Variants in NEK10 observed in about 807,000 individuals in gnomAD.
The protein encoded by NEK10 is NIMA related kinase 10.
A neutral mutation model predicts 159.8 loss-of-function variants in NEK10; 122 were observed. The ratio of observed to expected loss-of-function variants is 0.76; its 90% CI spans 0.66 to 0.89. The LOEUF (loss-of-function observed/expected upper bound fraction) is 0.89, where lower values mean the gene tolerates loss of function less well. Among genes scored for constraint, NEK10 ranks in the 40% least tolerant of loss-of-function variants. The probability of loss-of-function intolerance (pLI) is 0.00; values close to 1 mark genes in which losing one functional copy is unlikely to be tolerated. For missense variants in NEK10, 1,342 were observed against 1,323.1 expected (o/e 1.01, Z -0.22); for synonymous variants, 466 against 457.1 (o/e 1.02, Z -0.25).
At chr3:27,166,831 G>A (rs1457675965) in intron 29 of NEK10, among the ~76,000 whole-genome samples, 2 of 151,996 alleles carry the variant, frequency 1.3e-5, no homozygotes, top group Non-Finnish European at 2.9e-5. Flanking sequence ...GTGGTGGCAG[G>A]AGCCTATAAT....
chr3:27,222,243 G>A (rs912207653), intron 23 of NEK10, among the ~76,000 whole-genome samples: 6 of 152,090 alleles, frequency 3.9e-5, no homozygotes, highest in Admixed American at 1.3e-4. Flanking sequence ...CATGGTGGCC[G>A]GTGCCTGTAG....
intron 22 of NEK10, among the ~76,000 whole-genome samples, chr3:27,260,077 G>C (rs1174046583): frequency 6.6e-6 from 1 of 152,188 alleles, no homozygotes; most frequent in African/African-American, 2.4e-5. Context: ...TTTGTATCCT[G>C]AGACTTTGCT....
At chr3:27,259,178 C>A (rs2040174936) in intron 22 of NEK10, among the ~76,000 whole-genome samples, 1 of 152,040 alleles carries the variant, frequency 6.6e-6, no homozygotes, top group Non-Finnish European at 1.5e-5. Flanking sequence ...TGCCTGTTGA[C>A]TCTGATGGTA....
chr3:27,135,669 T>C (rs1943117326), intron 31 of NEK10, among the ~76,000 whole-genome samples: 1 of 152,244 alleles, frequency 6.6e-6, no homozygotes, highest in Admixed American at 6.5e-5. Flanking sequence ...TTCTATTTTT[T>C]AAAAAGTTAT....
At chr3:27,231,725 G>A (rs1349455213) in intron 23 of NEK10, among the ~76,000 whole-genome samples, 1 of 151,626 alleles carries the variant, frequency 6.6e-6, no homozygotes, top group Non-Finnish European at 1.5e-5. Flanking sequence ...ACCTTTACAT[G>A]CACAAATCAG....
At chr3:27,286,940 C>CAAATGGCA (rs1473546746) in intron 20 of NEK10, among the ~76,000 whole-genome samples, 1 of 151,910 alleles carries the variant, frequency 6.6e-6, no homozygotes, top group Non-Finnish European at 1.5e-5. Context: ...AAAATTGTAA[C>CAAATGGCA]AAATGGCAAA....
chr3:27,308,198 A>G (rs1575678488), intron 10 of NEK10, among the ~76,000 whole-genome samples: 1 of 152,172 alleles, frequency 6.6e-6, no homozygotes, highest in African/African-American at 2.4e-5. Flanking sequence ...AAGGGGGAAG[A>G]GCCCCTTATA....
At chr3:27,128,243 G>T (rs138697649) in intron 32 of NEK10, among the ~76,000 whole-genome samples, 2 of 152,284 alleles carry the variant, frequency 1.3e-5, no homozygotes, top group East Asian at 3.9e-4. Flanking sequence ...TGATTGGCCT[G>T]AGGGCTGTAA....
chr3:27,132,721 A>G lies in NEK10; in HGVS notation c.2971-731T>C, dbSNP rs190342797. On this transcript the variant is annotated intron_variant, in intron 31 of 35. Transcript: ENST00000691995. Reference sequence around the variant, plus strand: ...CTGGAAAGCACAGAAAGATGAAGTGACATTTAGAAGAAGGATAATAGAAAA... The same window carrying G: ...CTGGAAAGCACAGAAAGATGAAGTGGCATTTAGAAGAAGGATAATAGAAAA... Among the ~76,000 whole-genome samples, 5 of 152,284 alleles carry G rather than the reference A, an allele frequency of 3.3e-5. No individual in the cohort carries two copies. In the East Asian group the frequency reaches 9.7e-4, roughly 29 times the overall value.
At chr3:27,336,939 T>C (rs1008387989) in intron 5 of NEK10, among the ~76,000 whole-genome samples, 4 of 151,912 alleles carry the variant, frequency 2.6e-5, no homozygotes, top group African/African-American at 4.8e-5. Context: ...GACAAGGCTG[T>C]CTACCTGCAC....
Position 27,284,626 on chromosome 3 carries a change from C to T in NEK10, c.1990G>A (p.Gly664Arg). The T allele has an allele frequency of 6.3e-7, 1 of 1,597,932 alleles. No homozygotes were observed. The highest frequency in any genetic ancestry group is 8.6e-7 in the Non-Finnish European group (1 of 1,165,366). ...RDLTPNNIML[G>R]DKDKVTVTDF... ...CTAACGGTTACTTTGTCCTTATCCC[C>T]CAACATAATGTTGTTTGGTGTCAGA... Residue 664 changes from glycine (G) to arginine (R), a missense_variant, in exon 22 of 36, where the codon GGG becomes AGG. Transcript: ENST00000691995.
At chr3:27,205,795 T>C (rs1182547089) in intron 23 of NEK10, among the ~76,000 whole-genome samples, 1 of 140,008 alleles carries the variant, frequency 7.1e-6, no homozygotes, top group East Asian at 2.0e-4. Context: ...GACATAGGCA[T>C]GGGCAAGGAC....
At chr3:27,288,756 A>C (rs1304254448) in intron 19 of NEK10, among the ~76,000 whole-genome samples, 1 of 152,192 alleles carries the variant, frequency 6.6e-6, no homozygotes, top group Non-Finnish European at 1.5e-5. Flanking sequence ...TTTGCTTATA[A>C]TTTGAGTTTC....
chr3:27,167,093 T>C (rs1205401501), intron 29 of NEK10, among the ~76,000 whole-genome samples: 1 of 152,122 alleles, frequency 6.6e-6, no homozygotes, highest in Non-Finnish European at 1.5e-5. Context: ...GCCTGCCAAC[T>C]ATACCCTGTT....
rs189870026 is a variant in NEK10, at chr3:27,317,614, A to G, written c.448-3276T>C. 3.3e-3 allele frequency among the ~76,000 whole-genome samples: 502 copies of G among 152,258 alleles called. 2 individuals are homozygous for G. The highest frequency in any genetic ancestry group is 5.8e-3 in the Non-Finnish European group (397 of 68,014). On this transcript the variant is annotated intron_variant, in intron 6 of 35. Transcript: ENST00000691995. Reference sequence around the variant, plus strand: ...TTTAAGAATGGAGCACATTTTGCCAATATATTTTTATTACAGCCAAAACTG... The same window carrying G: ...TTTAAGAATGGAGCACATTTTGCCAGTATATTTTTATTACAGCCAAAACTG...
chr3:27,313,844 T>C (rs935202281), intron 7 of NEK10, among the ~76,000 whole-genome samples: 1 of 152,054 alleles, frequency 6.6e-6, no homozygotes, highest in Non-Finnish European at 1.5e-5. Flanking sequence ...CCCGAGTAGC[T>C]GGGATTATAG....
At chr3:27,311,368 G>A (rs1347389122) in intron 8 of NEK10, 1 of 168,808 alleles carries the variant, frequency 5.9e-6, no homozygotes, top group African/African-American at 2.4e-5. Context: ...AGAAGAGAGG[G>A]AAGGCCAGCA....
chr3:27,227,019 A>G (rs1292966768), intron 23 of NEK10, among the ~76,000 whole-genome samples: 11 of 152,192 alleles, frequency 7.2e-5, no homozygotes, highest in Admixed American at 7.2e-4. Context: ...AAATTATTAC[A>G]AAAGCCTTAC....
At position 27,284,947 on chromosome 3, in the gene NEK10, T is replaced by C. The variant is rs2042466040; in HGVS notation, c.1804A>G (p.Ile602Val). Residue 602 changes from isoleucine to valine, a missense_variant, in exon 21 of 36, where the codon ATA becomes GTA. Ile to Val is a conservative substitution (Grantham distance 29). Coordinates refer to ENST00000691995, the MANE Select transcript of NEK10 (RefSeq NM_001394966.1). ...KTFLENDRLY[I>V]VMELIEGAPL... ...GCTCCTTCTATCAGCTCCATAACTA[T>C]GTACAACCTATCATCTATATAAATA... 1 of 1,603,094 alleles carries C rather than the reference T, an allele frequency of 6.2e-7. No homozygotes were observed. The highest frequency in any genetic ancestry group is 1.3e-5 in the African/African-American group (1 of 74,308).
Sources: gnomAD v4.1 joint callset for allele counts (sites outside exome capture counted in the v4.1 genomes callset) on GRCh38, gnomAD v4.1.1 for gene constraint, MANE v1.5 for transcripts, NCBI Gene and HGNC (gene_info 2026-07-23, HGNC 2026-07-21) for gene names.